STK32C: variants seen among roughly 807,000 people sequenced by gnomAD.
STK32C encodes serine/threonine-protein kinase 32C.
STK32C carries 31 observed loss-of-function variants against 56.5 expected under a neutral mutation model. The observed-to-expected ratio is 0.55, with a 90% CI of 0.41 to 0.74. STK32C has a LOEUF of 0.74. STK32C is among the 30% of genes least tolerant of loss of function. STK32C has a pLI of 0.00. For synonymous variants in STK32C, 309 were observed against 289.4 expected (o/e 1.07, Z -0.69); for missense variants, 544 against 676.9 (o/e 0.80, Z 2.18).
intron 1 of STK32C, among the ~76,000 whole-genome samples, chr10:132,300,750 C>T (rs1287773307): frequency 6.6e-6 from 1 of 152,152 alleles, no homozygotes; most frequent in Non-Finnish European, 1.5e-5. Context: ...CACAGAGATA[C>T]CACCCCGGGT....
At chr10:132,312,547 G>A (rs1052583239), upstream of STK32C, among the ~76,000 whole-genome samples, 1 of 152,120 alleles carries the variant, frequency 6.6e-6, no homozygotes, top group African/African-American at 2.4e-5. Context: ...TTTCAAAAGG[G>A]AGAAATAAGA....
Position 132,225,225 on chromosome 10 carries a change from G to T in STK32C, c.876+8C>A, listed in dbSNP as rs766777373. On this transcript the variant is annotated splice_region_variant and intron_variant, in intron 7 of 11. Transcript: ENST00000298630. The stretch of plus-strand genomic sequence containing the variant: ...CAGCCAAGCCCAGGGGCTGCAGGGG[G>T]TCCATACCCATCCTCGCAGCAGCTC... 3 of 1,601,716 alleles carry T rather than the reference G, an allele frequency of 1.9e-6. No individual in the cohort carries two copies. The highest frequency in any genetic ancestry group is 2.2e-5 in the East Asian group (1 of 44,492).
chr10:132,320,401 G>A (rs1444903845), downstream of STK32C, among the ~76,000 whole-genome samples: 1 of 152,128 alleles, frequency 6.6e-6, no homozygotes, highest in Non-Finnish European at 1.5e-5. Context: ...GGACAGTGAG[G>A]GGTGGGGGTC....
intron 1 of STK32C, among the ~76,000 whole-genome samples, chr10:132,276,386 T>C (rs1244125641): frequency 6.6e-6 from 1 of 152,186 alleles, no homozygotes; most frequent in African/African-American, 2.4e-5. Flanking sequence ...TCAGCACCTG[T>C]GCCAGCTACA....
chr10:132,217,930 G>A (rs2062520297), intron 10 of STK32C, among the ~76,000 whole-genome samples: 1 of 152,110 alleles, frequency 6.6e-6, no homozygotes, highest in African/African-American at 2.4e-5. Flanking sequence ...TAATACAGAT[G>A]GGTCTCACCT....
intron 1 of STK32C, among the ~76,000 whole-genome samples, chr10:132,325,439 G>A (rs1180020744): frequency 2.0e-5 from 3 of 151,746 alleles, no homozygotes; most frequent in African/African-American, 7.3e-5. Context: ...TGTAGTCCCA[G>A]CTACTCGGGA....
At chr10:132,280,713 C>CGTGAT (rs2065168520) in intron 1 of STK32C, among the ~76,000 whole-genome samples, 1 of 149,168 alleles carries the variant, frequency 6.7e-6, no homozygotes, top group Non-Finnish European at 1.5e-5. Flanking sequence ...ACCTCCACTC[C>CGTGAT]CTGATCACAC....
chr10:132,316,400 C>G (rs932510422), intron 1 of STK32C, among the ~76,000 whole-genome samples: 3 of 152,110 alleles, frequency 2.0e-5, no homozygotes, highest in African/African-American at 7.2e-5. Context: ...ATTGCTTGAG[C>G]CCAGAAGTCT....
At chr10:132,305,047 T>C (rs1168112509) in intron 1 of STK32C, among the ~76,000 whole-genome samples, 1 of 152,070 alleles carries the variant, frequency 6.6e-6, no homozygotes, top group African/African-American at 2.4e-5. Context: ...CAGAGAGGAA[T>C]GAAGGGGCTC....
intron 2 of STK32C, 67 bp downstream of exon 2, chr10:132,245,833 G>A: frequency 6.7e-7 from 1 of 1,496,386 alleles, no homozygotes; most frequent in Non-Finnish European, 9.2e-7. Context: ...TCAGGGGACA[G>A]CATGTCCGAC....
chr10:132,307,939 G>C lies in STK32C; in HGVS notation c.-106C>G, dbSNP rs1434330021. 3 of 1,067,766 alleles carry C rather than the reference G, an allele frequency of 2.8e-6. No individual in the cohort carries two copies. The highest frequency in any genetic ancestry group is 2.6e-5 in the South Asian group (1 of 38,830). The allele number at this position is 1,067,766 out of a possible 1,614,324, so 66.1% of individuals were successfully genotyped here. A position where few individuals can be genotyped will look rare whatever the true frequency, so the allele number is the denominator to read the frequency against. The stretch of plus-strand genomic sequence containing the variant: ...GCGCTCGGGGCCGGCAGCGCCCGCC[G>C]TGCGCTCTTCTGGGCGGTGGAACCC... On this transcript the variant is annotated 5_prime_UTR_variant, in exon 1 of 12. Coordinates refer to ENST00000298630, the MANE Select transcript of STK32C (RefSeq NM_173575.4). This position sits in a 1 kb window ranked among gnomAD's most constrained non-coding sequence, Gnocchi z 4.4.
At chr10:132,276,486 CAG>C (rs1005822691) in intron 1 of STK32C, among the ~76,000 whole-genome samples, 17 of 152,212 alleles carry the variant, frequency 1.1e-4, no homozygotes, top group African/African-American at 4.1e-4. Context: ...CCGATACACT[CAG>C]AGCACAAAAG....
intron 1 of STK32C, among the ~76,000 whole-genome samples, chr10:132,282,906 G>A (rs1278738313): frequency 6.6e-6 from 1 of 152,242 alleles, no homozygotes; most frequent in African/African-American, 2.4e-5. Flanking sequence ...AGGAGGCGGT[G>A]GGGGGTGTTG....
chr10:132,268,467 T>TTG (rs1159106699), intron 1 of STK32C, among the ~76,000 whole-genome samples: 3 of 119,772 alleles, frequency 2.5e-5, no homozygotes, highest in Admixed American at 9.0e-5. Context: ...ATGTCCCACA[T>TTG]CGTGTGTGTG....
Position 132,255,222 on chromosome 10 carries a change from G to A in STK32C, c.263-9267C>T, listed in dbSNP as rs938897644. On this transcript the variant is annotated intron_variant, in intron 1 of 11. Transcript: ENST00000298630. The surrounding 1 kb of genome is among the most constrained non-coding windows in gnomAD (Gnocchi z 4.6). The stretch of plus-strand genomic sequence containing the variant: ...CCCAGGACTCCGAGACGCAGGCCCC[G>A]CAGAGCTTGTGCAGCCTCTGGGGAT... Among the ~76,000 whole-genome samples the A allele has an allele frequency of 3.3e-5, 5 of 152,244 alleles. No homozygotes were observed. The highest frequency in any genetic ancestry group is 7.2e-5 in the African/African-American group (3 of 41,552).
At chr10:132,216,792 G>A (rs1436402335) in intron 10 of STK32C, among the ~76,000 whole-genome samples, 1 of 152,230 alleles carries the variant, frequency 6.6e-6, no homozygotes, top group Non-Finnish European at 1.5e-5. Flanking sequence ...CCAAGCTGTG[G>A]CAGCTTCCAT....
At chr10:132,296,290 A>G (rs1364675364) in intron 1 of STK32C, among the ~76,000 whole-genome samples, 1 of 152,014 alleles carries the variant, frequency 6.6e-6, no homozygotes, top group Non-Finnish European at 1.5e-5. Context: ...CAGGAGACTC[A>G]TGTAACACGG....
At chr10:132,209,458 C>T (rs561446720) in intron 10 of STK32C, 1 of 452,710 alleles carries the variant, frequency 2.2e-6, no homozygotes, top group Non-Finnish European at 4.3e-6. Context: ...TTCTCCCAGC[C>T]CCTCATCACA....
At position 132,209,054 on chromosome 10, in the gene STK32C, G is replaced by A. The variant is rs147083776; in HGVS notation, c.1299C>T (p.Phe433=). The change falls in exon 11 of 12, where the codon TTC becomes TTT. Residue 433 remains phenylalanine, a synonymous_variant. Coordinates refer to ENST00000298630, the MANE Select transcript of STK32C (RefSeq NM_173575.4). ...CTCACTTTTCTCTGTTAAAAATCAC[G>A]AAGTCTTGCTGGATGGCATCGAGGC... ...QDCLDAIQQD[F]VIFNREKLKR... The A allele has an allele frequency of 1.3e-5, 20 of 1,599,100 alleles. 1 individual carries two copies. The highest frequency in any genetic ancestry group is 1.7e-4 in the Middle Eastern group (1 of 6,018).
Sources: gnomAD v4.1 joint callset for allele counts (sites outside exome capture counted in the v4.1 genomes callset) on GRCh38, gnomAD v4.1.1 for gene constraint, Gnocchi (gnomAD v3.1) non-coding constraint, MANE v1.5 for transcripts, NCBI Gene and HGNC (gene_info 2026-07-23, HGNC 2026-07-21) for gene names.